Variants in NCKAP5 observed in about 807,000 individuals in gnomAD.
NCKAP5 encodes NCK associated protein 5.
In NCKAP5, 92 loss-of-function variants were observed where a neutral mutation model predicts 167.0. The observed-to-expected ratio is 0.55, with a 90% CI of 0.47 to 0.66. The LOEUF (loss-of-function observed/expected upper bound fraction) is 0.66, where lower values mean the gene tolerates loss of function less well. Ranked by LOEUF, NCKAP5 falls within the 30% of genes least tolerant of loss-of-function variation. The probability of loss-of-function intolerance (pLI) is 0.00; values close to 1 mark genes in which losing one functional copy is unlikely to be tolerated. For synonymous variants in NCKAP5, 891 were observed against 877.4 expected (o/e 1.02, Z -0.27); for missense variants, 2,378 against 2,315.0 (o/e 1.03, Z -0.56).
intron 6 of NCKAP5, among the ~76,000 whole-genome samples, chr2:133,096,799 A>G (rs922323130): frequency 6.6e-6 from 1 of 152,176 alleles, no homozygotes; most frequent in African/African-American, 2.4e-5. Context: ...TCGCTAATGA[A>G]TGAAGACACT....
intron 9 of NCKAP5, among the ~76,000 whole-genome samples, chr2:132,878,138 T>A (rs1691430074): frequency 6.6e-6 from 1 of 152,158 alleles, no homozygotes. Flanking sequence ...GCCCTGATGG[T>A]GTGAGGTGAC....
chr2:133,512,245 A>G (rs1683557138), intron 3 of NCKAP5, among the ~76,000 whole-genome samples: 1 of 152,152 alleles, frequency 6.6e-6, no homozygotes, highest in Non-Finnish European at 1.5e-5. Flanking sequence ...CCTTCTAAAT[A>G]TTTTTCTACT....
At chr2:133,397,266 A>G (rs1229458321) in intron 3 of NCKAP5, among the ~76,000 whole-genome samples, 2 of 152,226 alleles carry the variant, frequency 1.3e-5, no homozygotes, top group Non-Finnish European at 2.9e-5. Context: ...ATAGAAACCA[A>G]TCTAAATCAA....
chr2:133,347,673 G>C (rs1324468660), intron 3 of NCKAP5, among the ~76,000 whole-genome samples: 1 of 151,956 alleles, frequency 6.6e-6, no homozygotes, highest in Non-Finnish European at 1.5e-5. Flanking sequence ...ATGTTGTCTG[G>C]CTGCTGTCCT....
rs140038817 is a variant in NCKAP5 at position 133,131,858 on chromosome 2, T to C, written c.208-1747A>G. Among the ~76,000 whole-genome samples, 19 of 152,238 alleles carry C rather than the reference T, an allele frequency of 1.2e-4. No individual in the cohort carries two copies. The East Asian group carries it at 3.5e-3, about 28-fold the overall frequency. On this transcript the variant is annotated intron_variant, in intron 5 of 19. Transcript: ENST00000409261. Reference sequence around the variant, plus strand: ...ATAAAATAAACTCTTTATGGTTATATACACAATTGACATTCCTCTTTTTAT... The same window carrying C: ...ATAAAATAAACTCTTTATGGTTATACACACAATTGACATTCCTCTTTTTAT...
intron 2 of NCKAP5, among the ~76,000 whole-genome samples, chr2:133,534,894 A>C (rs1685639342): frequency 6.6e-6 from 1 of 152,190 alleles, no homozygotes; most frequent in Non-Finnish European, 1.5e-5. Flanking sequence ...CAGTTTGAGG[A>C]AATGCCAAAC....
At chr2:133,471,559 G>A (rs942804216) in intron 3 of NCKAP5, among the ~76,000 whole-genome samples, 1 of 152,062 alleles carries the variant, frequency 6.6e-6, no homozygotes, top group Non-Finnish European at 1.5e-5. Flanking sequence ...GCAGGCAGAG[G>A]GTCTCAAGCT....
intron 11 of NCKAP5, among the ~76,000 whole-genome samples, chr2:132,828,708 A>G (rs957990049): frequency 1.3e-5 from 2 of 152,242 alleles, no homozygotes; most frequent in Non-Finnish European, 2.9e-5. Flanking sequence ...AGTCTTTATT[A>G]TCATGGGTCA....
At chr2:133,196,974 G>T (rs1002697230) in intron 5 of NCKAP5, among the ~76,000 whole-genome samples, 1 of 152,146 alleles carries the variant, frequency 6.6e-6, no homozygotes, top group Admixed American at 6.6e-5. Flanking sequence ...TCAATCAGAA[G>T]AGTAAGAAAC....
At chr2:132,740,800 G>A (rs1679114819) in intron 16 of NCKAP5, among the ~76,000 whole-genome samples, 1 of 151,982 alleles carries the variant, frequency 6.6e-6, no homozygotes, top group African/African-American at 2.4e-5. Flanking sequence ...TAGGGAATGA[G>A]TTGCATAGGG....
chr2:133,637,476 C>CAAAAAAAAAAAAAAAAAAA, the NCKAP5 span, among the ~76,000 whole-genome samples: 30 of 31,666 alleles, frequency 9.5e-4, 1 homozygote, highest in Admixed American at 3.1e-3. Context: ...TGGTATTTTC[C>CAAAAAAAAAAAAAAAAAAA]AAAAAAAAAA....
chr2:132,823,357 C>T (rs1047172473), intron 11 of NCKAP5, among the ~76,000 whole-genome samples: 1 of 152,122 alleles, frequency 6.6e-6, no homozygotes, highest in Non-Finnish European at 1.5e-5. Flanking sequence ...GACTTCTCAG[C>T]AGAAATCTTA....
chr2:133,240,865 G>A (rs1489408384), intron 4 of NCKAP5, among the ~76,000 whole-genome samples: 1 of 152,148 alleles, frequency 6.6e-6, no homozygotes, highest in Non-Finnish European at 1.5e-5. Flanking sequence ...TTCAGGATAG[G>A]AGATTAATCT....
chr2:133,262,927 G>T (rs2088989224), intron 4 of NCKAP5, among the ~76,000 whole-genome samples: 1 of 152,164 alleles, frequency 6.6e-6, no homozygotes, highest in East Asian at 1.9e-4. Flanking sequence ...GAGCCCGGAT[G>T]ATGTTAGCCA....
chr2:133,440,564 G>T (rs1301335917), intron 3 of NCKAP5, among the ~76,000 whole-genome samples: 1 of 151,850 alleles, frequency 6.6e-6, no homozygotes, highest in Non-Finnish European at 1.5e-5. Context: ...CAAAAAATTA[G>T]CCAGGCGTGA....
the NCKAP5 span, among the ~76,000 whole-genome samples, chr2:133,642,803 C>G: frequency 1.3e-5 from 2 of 152,198 alleles, no homozygotes; most frequent in Admixed American, 6.5e-5. Context: ...TTGGTTCAAT[C>G]ATTTATAGCA....
intron 8 of NCKAP5, among the ~76,000 whole-genome samples, chr2:132,917,162 G>A (rs1694949087): frequency 6.6e-6 from 1 of 152,160 alleles, no homozygotes; most frequent in Non-Finnish European, 1.5e-5. Flanking sequence ...ACTTGTCCAA[G>A]GTAACTGAAA....
At chr2:132,959,204 T>A (rs543657863) in intron 8 of NCKAP5, among the ~76,000 whole-genome samples, 1 of 152,036 alleles carries the variant, frequency 6.6e-6, no homozygotes, top group South Asian at 2.1e-4. Flanking sequence ...TAGGAATTAA[T>A]GATTAACAAA....
the NCKAP5 span, among the ~76,000 whole-genome samples, chr2:133,619,812 T>C: frequency 6.6e-6 from 1 of 152,138 alleles, no homozygotes; most frequent in Non-Finnish European, 1.5e-5. Flanking sequence ...TCAGGTTATC[T>C]AAAGTCAAGA....
Sources: gnomAD v4.1 joint callset for allele counts (sites outside exome capture counted in the v4.1 genomes callset) on GRCh38, gnomAD v4.1.1 for gene constraint, MANE v1.5 for transcripts, NCBI Gene and HGNC (gene_info 2026-07-23, HGNC 2026-07-21) for gene names.